STK32B: variants seen among roughly 807,000 people sequenced by gnomAD.
The protein encoded by STK32B is serine/threonine-protein kinase 32B.
Under a neutral mutation model 52.6 loss-of-function variants are expected in STK32B, and 43 were observed. That is an observed-to-expected ratio of 0.82 (90% CI 0.64 to 1.05). The LOEUF (loss-of-function observed/expected upper bound fraction) is 1.05, where lower values mean the gene tolerates loss of function less well. STK32B is among the 50% of genes least tolerant of loss of function. The pLI is 0.00. For missense variants in STK32B, 621 were observed against 534.6 expected (o/e 1.16, Z -1.59); for synonymous variants, 238 against 204.3 (o/e 1.17, Z -1.41).
chr4:5,402,485 T>C (rs1560384018), intron 5 of STK32B, among the ~76,000 whole-genome samples: 1 of 152,240 alleles, frequency 6.6e-6, no homozygotes, highest in Non-Finnish European at 1.5e-5. Context: ...GAATGTAGTC[T>C]TCGTCCTCTT....
At chr4:5,187,624 AG>A (rs1454569933) in intron 3 of STK32B, among the ~76,000 whole-genome samples, 1 of 70,898 alleles carries the variant, frequency 1.4e-5, no homozygotes, top group African/African-American at 8.5e-5. Flanking sequence ...CGGGCGGGGG[AG>A]GGGGGGGACA....
At chr4:5,335,199 G>T (rs1732571570) in intron 4 of STK32B, among the ~76,000 whole-genome samples, 1 of 152,190 alleles carries the variant, frequency 6.6e-6, no homozygotes, top group Non-Finnish European at 1.5e-5. Flanking sequence ...TCCTGGTTTA[G>T]TCTTGGGAGG....
chr4:5,425,234 A>G (rs577773515), intron 6 of STK32B, among the ~76,000 whole-genome samples: 1 of 152,320 alleles, frequency 6.6e-6, no homozygotes, highest in Admixed American at 6.5e-5. Context: ...TTCAGGCCCA[A>G]GCAAAATGCA....
At position 5,140,351 on chromosome 4, in the gene STK32B, A is replaced by G. The variant is rs981099691; in HGVS notation, c.108+391A>G. ...CTTTGACTATTTTTTTTGAAAAGGT[A>G]TAGAAGGCTAGGAGAAGATGGCAGG... On this transcript the variant is annotated intron_variant, in intron 2 of 11. Coordinates refer to ENST00000282908, the MANE Select transcript of STK32B (RefSeq NM_018401.3). The G allele has an allele frequency of 7.4e-6, 9 of 1,209,828 alleles. No individual in the cohort carries two copies. In the African/African-American group the frequency reaches 1.1e-4, roughly 15 times the overall value. The allele number at this position is 1,209,828 out of a possible 1,614,324, so 74.9% of individuals were successfully genotyped here.
chr4:5,086,429 T>G (rs774225406), intron 1 of STK32B, among the ~76,000 whole-genome samples: 1 of 151,566 alleles, frequency 6.6e-6, no homozygotes, highest in East Asian at 1.9e-4. Context: ...GGAACAGAAA[T>G]AAAAGAATGA....
intron 1 of STK32B, among the ~76,000 whole-genome samples, chr4:5,071,352 A>G (rs1284291152): frequency 6.6e-6 from 1 of 152,174 alleles, no homozygotes; most frequent in African/African-American, 2.4e-5. Context: ...ACATATGAAC[A>G]CAAAAATATG....
At chr4:5,262,512 C>T (rs948121308) in intron 3 of STK32B, among the ~76,000 whole-genome samples, 5 of 151,636 alleles carry the variant, frequency 3.3e-5, no homozygotes, top group African/African-American at 1.2e-4. Flanking sequence ...GTAGTCCCAG[C>T]TACTCGGGAG....
chr4:5,329,308 C>G (rs764831223), intron 3 of STK32B, among the ~76,000 whole-genome samples: 1 of 152,184 alleles, frequency 6.6e-6, no homozygotes, highest in Non-Finnish European at 1.5e-5. Flanking sequence ...TCTTACTCCA[C>G]TCCTGCCCAT....
chr4:5,143,581 C>G (rs1227853913), intron 2 of STK32B, among the ~76,000 whole-genome samples: 8 of 152,144 alleles, frequency 5.3e-5, no homozygotes, highest in African/African-American at 1.7e-4. Context: ...GCCACATGGT[C>G]CTGCAGACTG....
At chr4:5,280,660 C>T (rs908543358) in intron 3 of STK32B, among the ~76,000 whole-genome samples, 8 of 151,932 alleles carry the variant, frequency 5.3e-5, no homozygotes, top group African/African-American at 1.2e-4. Context: ...TTTGGGAGGC[C>T]GAGGTGGGTG....
chr4:5,343,403 G>C (rs562281409), intron 4 of STK32B, among the ~76,000 whole-genome samples: 1 of 152,156 alleles, frequency 6.6e-6, no homozygotes, highest in South Asian at 2.1e-4. Flanking sequence ...TAGTGCCGCA[G>C]TAAACATACG....
chr4:5,343,875 C>T (rs879912766), intron 4 of STK32B, among the ~76,000 whole-genome samples: 2 of 152,108 alleles, frequency 1.3e-5, no homozygotes, highest in Admixed American at 6.5e-5. Context: ...CATGACATGC[C>T]TTTGAAGTCT....
intron 4 of STK32B, among the ~76,000 whole-genome samples, chr4:5,371,134 A>G (rs1481405860): frequency 2.0e-5 from 3 of 152,072 alleles, no homozygotes; most frequent in East Asian, 1.9e-4. Flanking sequence ...GTTTATCACA[A>G]TGTTGCAGAG....
chr4:5,382,348 C>G (rs187928991), intron 4 of STK32B, among the ~76,000 whole-genome samples: 353 of 152,266 alleles, frequency 2.3e-3, no homozygotes, highest in African/African-American at 8.0e-3. Context: ...ATATCCTACA[C>G]CACAGAAAAC....
chr4:5,288,925 G>C (rs1455628220), intron 3 of STK32B, among the ~76,000 whole-genome samples: 1 of 152,134 alleles, frequency 6.6e-6, no homozygotes. Flanking sequence ...GCAAGTTTTT[G>C]TATGGTGGCA....
At chr4:5,069,287 G>T (rs1177765599) in intron 1 of STK32B, among the ~76,000 whole-genome samples, 3 of 151,010 alleles carry the variant, frequency 2.0e-5, no homozygotes, top group Non-Finnish European at 4.4e-5. Flanking sequence ...CCACCTCCCA[G>T]GTTCACAATG....
intron 4 of STK32B, among the ~76,000 whole-genome samples, chr4:5,332,418 A>T (rs1220451891): frequency 6.6e-6 from 1 of 152,200 alleles, no homozygotes; most frequent in Admixed American, 6.5e-5. Flanking sequence ...CCTGGTATCT[A>T]TGGAATGGGG....
At chr4:5,319,848 G>T (rs559068996) in intron 3 of STK32B, among the ~76,000 whole-genome samples, 2 of 152,288 alleles carry the variant, frequency 1.3e-5, no homozygotes, top group East Asian at 1.9e-4. Context: ...GAACTGACCT[G>T]CAGAGGATGT....
chr4:5,406,751 G>A lies in STK32B; in HGVS notation c.472+8507G>A, dbSNP rs560251147. Among the ~76,000 whole-genome samples, 17 of 152,252 alleles carry A rather than the reference G, an allele frequency of 1.1e-4. No homozygotes were observed. The East Asian group carries it at 3.3e-3, about 29-fold the overall frequency. ...GGAGCAGTGTCTCGAGGTTAGGCAGGGCAGCAGAGCCCTGGACCTGGCAGC... is the reference window on the plus strand; with the variant it reads ...GGAGCAGTGTCTCGAGGTTAGGCAGAGCAGCAGAGCCCTGGACCTGGCAGC... On this transcript the variant is annotated intron_variant, in intron 5 of 11. Coordinates refer to ENST00000282908, the MANE Select transcript of STK32B (RefSeq NM_018401.3).
Sources: allele counts gnomAD v4.1 joint callset (sites outside exome capture counted in the v4.1 genomes callset), GRCh38; gene constraint gnomAD v4.1.1; transcripts MANE v1.5; gene names NCBI Gene and HGNC (gene_info 2026-07-23, HGNC 2026-07-21).